Variants in FOXN3 observed in about 807,000 individuals in gnomAD.
FOXN3 encodes the protein forkhead box protein N3.
In FOXN3, 7 loss-of-function variants were observed where a neutral mutation model predicts 38.4. That is an observed-to-expected ratio of 0.18 (90% CI 0.10 to 0.34). The LOEUF is 0.34. Among genes scored for constraint, FOXN3 ranks in the 10% least tolerant of loss-of-function variants. The pLI is 1.00. For missense variants in FOXN3, 456 were observed against 613.4 expected, an observed-to-expected ratio of 0.74 and a Z score of 2.71; for synonymous variants, 230 against 242.2, an observed-to-expected ratio of 0.95 and a Z score of 0.47.
At chr14:89,458,030 CAAAAAAAAAAAA>C (rs11445763) in intron 1 of FOXN3, among the ~76,000 whole-genome samples, 64 of 53,532 alleles carry the variant, frequency 1.2e-3, no homozygotes, top group African/African-American at 4.0e-3. Context: ...AACTCCATCT[CAAAAAAAAAAAA>C]AAAAAAAAAA....
intron 3 of FOXN3, among the ~76,000 whole-genome samples, chr14:89,318,395 G>A (rs1038340461): frequency 2.0e-5 from 3 of 152,002 alleles, no homozygotes; most frequent in Non-Finnish European, 4.4e-5. Flanking sequence ...CCGACCTCAG[G>A]TGATCCACCC....
At chr14:89,504,617 C>T (rs545895431) in intron 1 of FOXN3, among the ~76,000 whole-genome samples, 16 of 152,316 alleles carry the variant, frequency 1.1e-4, no homozygotes, top group African/African-American at 3.9e-4. Context: ...ATTCCAGGCA[C>T]CTAAGTCTCT....
intron 1 of FOXN3, among the ~76,000 whole-genome samples, chr14:89,591,934 TGAAAAGCCAGTAA>T (rs1248138063): frequency 6.6e-6 from 1 of 151,212 alleles, no homozygotes; most frequent in African/African-American, 2.4e-5. Context: ...AAAAGTGAAA[TGAAAAGCCAGTAA>T]GAAAAACAAG....
In FOXN3 at chr14:89,239,075, T is replaced by C. The variant is rs559626189; in HGVS notation, c.745+41875A>G. Among the ~76,000 whole-genome samples the C allele has an allele frequency of 6.6e-5, 10 of 152,146 alleles. 1 individual carries two copies. Among genetic ancestry groups the C allele is most frequent in the Non-Finnish European group, 1.5e-4 (10 of 68,030 alleles). On this transcript the variant is annotated intron_variant, in intron 4 of 5. Transcript: ENST00000557258. ...AAAAGGCAGAAATCTATGAATGAGATAGTGTTAAACAGTTAGATGTAATTC... is the reference window on the plus strand; with the variant it reads ...AAAAGGCAGAAATCTATGAATGAGACAGTGTTAAACAGTTAGATGTAATTC...
intron 2 of FOXN3, 114 bp from the exon 3 acceptor site, chr14:89,350,922 A>C (rs1293897852): frequency 9.2e-6 from 7 of 757,210 alleles, no homozygotes; most frequent in African/African-American, 1.8e-5. Context: ...TCATTTGTTG[A>C]CTGTTTGCCA....
At chr14:89,223,025 T>A (rs1003543590) in intron 4 of FOXN3, 3 of 152,142 alleles carry the variant, frequency 2.0e-5, no homozygotes, top group Non-Finnish European at 4.4e-5. Context: ...CACCTTGGCC[T>A]CCCAAAGTGC....
chr14:89,376,887 G>T (rs558086249), intron 2 of FOXN3, among the ~76,000 whole-genome samples: 1 of 151,274 alleles, frequency 6.6e-6, no homozygotes, highest in Non-Finnish European at 1.5e-5. Context: ...GGTGGCAGGC[G>T]CCTGTAATCC....
intron 4 of FOXN3, among the ~76,000 whole-genome samples, chr14:89,276,295 TAAC>T (rs1030865497): frequency 1.3e-5 from 2 of 151,982 alleles, no homozygotes; most frequent in African/African-American, 4.8e-5. Context: ...ACAGCAACAA[TAAC>T]AACAACCAAC....
At chr14:89,549,011 C>T (rs368319016) in intron 1 of FOXN3, among the ~76,000 whole-genome samples, 13 of 151,490 alleles carry the variant, frequency 8.6e-5, no homozygotes, top group African/African-American at 3.2e-4. Context: ...CCCAGCTACT[C>T]GGGAGGCTGA....
intron 2 of FOXN3, among the ~76,000 whole-genome samples, chr14:89,359,867 GC>G (rs1018792460): frequency 1.6e-4 from 24 of 152,224 alleles, no homozygotes; most frequent in African/African-American, 5.8e-4. Flanking sequence ...CCTGGCTGGG[GC>G]AGCTGGGCCT....
intron 4 of FOXN3, among the ~76,000 whole-genome samples, chr14:89,249,764 G>C (rs1885400200): frequency 6.6e-6 from 1 of 152,196 alleles, no homozygotes; most frequent in Non-Finnish European, 1.5e-5. Context: ...CAGGAACTTG[G>C]AGGAAATCCT....
chr14:89,315,015 G>A (rs1596176737), intron 3 of FOXN3, among the ~76,000 whole-genome samples: 1 of 152,036 alleles, frequency 6.6e-6, no homozygotes, highest in East Asian at 1.9e-4. Flanking sequence ...GTCTCAGAAA[G>A]CCTAGTCATC....
intron 4 of FOXN3, among the ~76,000 whole-genome samples, chr14:89,262,954 TTA>T (rs573301188): frequency 3.2e-3 from 486 of 152,326 alleles, no homozygotes; most frequent in African/African-American, 0.011. Flanking sequence ...ACTGGTATAA[TTA>T]TATATGTTTC....
At chr14:89,362,470 T>A (rs1369703970) in intron 2 of FOXN3, among the ~76,000 whole-genome samples, 1 of 2,204 alleles carries the variant, frequency 4.5e-4, no homozygotes, top group African/African-American at 1.0e-3. Context: ...CACCTCCTCC[T>A]CCACCACCAC....
intron 1 of FOXN3, among the ~76,000 whole-genome samples, chr14:89,431,506 TG>T (rs1892156528): frequency 6.6e-6 from 1 of 151,788 alleles, no homozygotes; most frequent in African/African-American, 2.4e-5. Context: ...CCACTGCGCC[TG>T]GCCAGCATGT....
At chr14:89,464,968 C>G (rs917902206) in intron 1 of FOXN3, among the ~76,000 whole-genome samples, 1 of 151,950 alleles carries the variant, frequency 6.6e-6, no homozygotes, top group African/African-American at 2.4e-5. Context: ...AGTGCTGGGT[C>G]TGCAGGCGTG....
At chr14:89,181,360 T>C (rs1361735445) in intron 4 of FOXN3, among the ~76,000 whole-genome samples, 1 of 152,190 alleles carries the variant, frequency 6.6e-6, no homozygotes, top group African/African-American at 2.4e-5. Context: ...CTCCCCATGC[T>C]TTGCCATGGG....
chr14:89,478,938 A>AAAAAAAAAAAAG (rs2139757172), intron 1 of FOXN3, among the ~76,000 whole-genome samples: 1 of 150,832 alleles, frequency 6.6e-6, no homozygotes, highest in South Asian at 2.1e-4. Context: ...TCTCAAAAAA[A>AAAAAAAAAAAAG]AAAAAAAAAA....
chr14:89,341,813 C>T (rs574416435), intron 3 of FOXN3, among the ~76,000 whole-genome samples: 6 of 152,286 alleles, frequency 3.9e-5, no homozygotes, highest in East Asian at 3.9e-4. Flanking sequence ...TCTGGGAAGG[C>T]GAGGGGTTTG....
Sources: gnomAD v4.1 joint callset for allele counts (sites outside exome capture counted in the v4.1 genomes callset) on GRCh38, gnomAD v4.1.1 for gene constraint, MANE v1.5 for transcripts, NCBI Gene and HGNC (gene_info 2026-07-23, HGNC 2026-07-21) for gene names.